The following SEMA3A variants were observed in gnomAD, a reference collection of about 807,000 sequenced individuals.
SEMA3A encodes semaphorin-3A.
Under a neutral mutation model 97.9 loss-of-function variants are expected in SEMA3A, and 29 were observed. That is an observed-to-expected ratio of 0.30 (90% CI 0.22 to 0.40). SEMA3A has a LOEUF of 0.40. Among genes scored for constraint, SEMA3A ranks in the 10% least tolerant of loss-of-function variants. SEMA3A has a pLI of 1.00. For missense variants in SEMA3A, 763 were observed against 951.3 expected (o/e 0.80, Z 2.60); for synonymous variants, 321 against 323.7 (o/e 0.99, Z 0.09).
intron 13 of SEMA3A, among the ~76,000 whole-genome samples, chr7:83,985,010 A>C (rs1584506143): frequency 6.6e-6 from 1 of 152,240 alleles, no homozygotes; most frequent in South Asian, 2.1e-4. Flanking sequence ...GCCTCTAAAA[A>C]TGCATTTTTG....
At chr7:84,027,815 T>C (rs1791603023) in intron 6 of SEMA3A, among the ~76,000 whole-genome samples, 1 of 151,710 alleles carries the variant, frequency 6.6e-6, no homozygotes, top group Non-Finnish European at 1.5e-5. Flanking sequence ...AAGTGAGAAT[T>C]TGGAGACATT....
intron 3 of SEMA3A, among the ~76,000 whole-genome samples, chr7:84,287,581 T>C (rs1325594495): frequency 6.6e-6 from 1 of 152,174 alleles, no homozygotes; most frequent in East Asian, 1.9e-4. Context: ...TTCATTCAAT[T>C]TGTTTAATTT....
At chr7:84,173,419 C>A (rs1441219858) in intron 1 of SEMA3A, among the ~76,000 whole-genome samples, 1 of 151,794 alleles carries the variant, frequency 6.6e-6, no homozygotes, top group East Asian at 1.9e-4. Context: ...ATTAGCCAGG[C>A]GTGGTGGCGC....
chr7:84,365,901 TAA>T (rs964055183), intron 2 of SEMA3A, among the ~76,000 whole-genome samples: 14 of 151,436 alleles, frequency 9.2e-5, no homozygotes, highest in African/African-American at 3.4e-4. Context: ...TATTTTATCT[TAA>T]GTTAAATTAT....
chr7:84,009,593 G>A (rs1790795431), intron 9 of SEMA3A, among the ~76,000 whole-genome samples: 2 of 152,070 alleles, frequency 1.3e-5, no homozygotes, highest in Admixed American at 1.3e-4. Context: ...ATATCCCAAT[G>A]CATATCCTTC....
At chr7:84,040,445 C>T (rs1419411462) in intron 6 of SEMA3A, among the ~76,000 whole-genome samples, 1 of 152,082 alleles carries the variant, frequency 6.6e-6, no homozygotes, top group Non-Finnish European at 1.5e-5. Flanking sequence ...CGCAAGTGCA[C>T]ACTGGTCTTT....
In SEMA3A at chr7:84,246,667, G is replaced by C. The variant is rs76112136; in HGVS notation, c.-82-51999C>G. ...ATTCTCAAACTCTCTTTTTTTTTCA[G>C]TATAGATGGGAGTATAAAATTTGAA... On this transcript the variant is annotated intron_variant, in intron 3 of 3. Transcript: ENST00000424555. Among the ~76,000 whole-genome samples the C allele has an allele frequency of 3.7e-3, 564 of 151,242 alleles. 33 individuals carry two copies. In the East Asian group the frequency reaches 0.1, roughly 27 times the overall value.
chr7:84,083,347 G>A (rs893496717), intron 4 of SEMA3A, among the ~76,000 whole-genome samples: 1 of 151,702 alleles, frequency 6.6e-6, no homozygotes, highest in Non-Finnish European at 1.5e-5. Flanking sequence ...ACATTGTGGG[G>A]TAAATGTGAT....
intron 4 of SEMA3A, among the ~76,000 whole-genome samples, chr7:84,062,973 GACAA>G (rs1399947777): frequency 6.6e-6 from 1 of 151,930 alleles, no homozygotes; most frequent in Non-Finnish European, 1.5e-5. Context: ...GCAGGGCACA[GACAA>G]ACAAAAAGAC....
intron 1 of SEMA3A, among the ~76,000 whole-genome samples, chr7:84,383,602 T>G (rs1803323407): frequency 6.6e-6 from 1 of 152,160 alleles, no homozygotes; most frequent in Admixed American, 6.5e-5. Flanking sequence ...TAATTATAAT[T>G]TATTCAAAGG....
intron 2 of SEMA3A, among the ~76,000 whole-genome samples, chr7:84,368,726 T>C (rs945039755): frequency 3.3e-5 from 5 of 150,890 alleles, no homozygotes; most frequent in Non-Finnish European, 7.4e-5. Flanking sequence ...AAGTAATATA[T>C]ACAATTTATC....
chr7:84,114,131 A>G (rs1562790725), intron 3 of SEMA3A, among the ~76,000 whole-genome samples: 1 of 152,160 alleles, frequency 6.6e-6, no homozygotes, highest in Non-Finnish European at 1.5e-5. Flanking sequence ...CTGTCAAAAC[A>G]ACTGCTCCAT....
intron 2 of SEMA3A, among the ~76,000 whole-genome samples, chr7:84,338,597 T>C (rs568594404): frequency 6.6e-5 from 10 of 152,246 alleles, no homozygotes; most frequent in Non-Finnish European, 1.5e-4. Flanking sequence ...AATAAATATT[T>C]GAAGAAATAG....
chr7:84,395,687 C>A (rs75892726), intron 1 of SEMA3A, among the ~76,000 whole-genome samples: 1 of 151,956 alleles, frequency 6.6e-6, no homozygotes, highest in South Asian at 2.1e-4. Flanking sequence ...TTATAGAGGG[C>A]CTTTTTCCCT....
intron 2 of SEMA3A, among the ~76,000 whole-genome samples, chr7:84,132,974 C>T (rs1053266605): frequency 1.3e-5 from 2 of 152,046 alleles, no homozygotes; most frequent in Non-Finnish European, 2.9e-5. Flanking sequence ...CGCACCAGAC[C>T]TATTTTGTGC....
intron 4 of SEMA3A, among the ~76,000 whole-genome samples, chr7:84,101,473 CG>C (rs1562782808): frequency 6.6e-6 from 1 of 151,964 alleles, no homozygotes; most frequent in African/African-American, 2.4e-5. Flanking sequence ...GAAAATTTAC[CG>C]TTATGTTAAA....
intron 3 of SEMA3A, among the ~76,000 whole-genome samples, chr7:84,279,668 T>G (rs1015125082): frequency 6.6e-6 from 1 of 152,086 alleles, no homozygotes; most frequent in African/African-American, 2.4e-5. Flanking sequence ...TTTGAATGCT[T>G]TCCAAATAAA....
Position 84,401,594 on chromosome 7 carries a change from C to A in SEMA3A, c.-245-29694G>T, listed in dbSNP as rs184355348. On this transcript the variant is annotated intron_variant, in intron 1 of 3. Transcript: ENST00000424555. ...GAATAAAGCTGGGGGCATCACTTCA[C>A]CTGACTTCAGAATATACTGCAAAGC... is the stretch of plus-strand genomic sequence containing the variant. 2.7e-3 allele frequency among the ~76,000 whole-genome samples: 410 copies of A among 151,942 alleles called. 1 individual carries two copies. The highest frequency in any genetic ancestry group is 4.9e-3 in the Non-Finnish European group (333 of 67,982).
chr7:83,968,615 T>G (rs1458544699), intron 15 of SEMA3A, among the ~76,000 whole-genome samples: 1 of 152,128 alleles, frequency 6.6e-6, no homozygotes, highest in African/African-American at 2.4e-5. Context: ...TCTTGCCGCA[T>G]GTCTGTCTTT....
Sources: allele counts gnomAD v4.1 joint callset (sites outside exome capture counted in the v4.1 genomes callset), GRCh38; gene constraint gnomAD v4.1.1; transcripts MANE v1.5; gene names NCBI Gene and HGNC (gene_info 2026-07-23, HGNC 2026-07-21).